Variants in KLHL4 observed in about 807,000 individuals in gnomAD.
KLHL4 encodes the protein kelch like family member 4, also known as kelch-like protein 4.
Under a neutral mutation model 45.8 loss-of-function variants are expected in KLHL4, and 17 were observed. That is an observed-to-expected ratio of 0.37 (90% CI 0.25 to 0.56). The LOEUF (loss-of-function observed/expected upper bound fraction) is 0.56, where lower values mean the gene tolerates loss of function less well. Among genes scored for constraint, KLHL4 ranks in the 20% least tolerant of loss-of-function variants. KLHL4 has a pLI of 0.79. For synonymous variants in KLHL4, 224 were observed against 189.9 expected (o/e 1.18, Z -1.47); for missense variants, 544 against 544.9 (o/e 1.00, Z 0.02).
In KLHL4 at chrX:87,614,039, C is replaced by T; in HGVS notation, c.585C>T (p.Ala195=). The change falls in exon 2 of 11, where the codon GCC becomes GCT. Residue 195 remains alanine, a synonymous_variant. Transcript: ENST00000373119. The part of the protein sequence containing the change: ...LLIAGHLRIP[A]HRLVLSAVSD... The stretch of plus-strand genomic sequence containing the variant: ...TTGCAGGACACCTCCGCATCCCAGC[C>T]CATAGGTAAGTATTTTTATGTATAC... 1.7e-6 allele frequency: 2 copies of T among 1,192,168 alleles called. No individual in the cohort carries two copies. Among genetic ancestry groups the T allele is most frequent in the South Asian group, 1.9e-5 (1 of 52,824 alleles).
intron 8 of KLHL4, among the ~76,000 whole-genome samples, chrX:87,634,194 C>T (rs1284766677): frequency 9.0e-6 from 1 of 111,707 alleles, no homozygotes; most frequent in Non-Finnish European, 1.9e-5. Context: ...CCCGACCCAG[C>T]TTTTATAGGC....
rs778174806 is a variant in KLHL4 at position 87,559,564 on chromosome X, G to A, written c.422+41249G>A. 1.5e-3 allele frequency among the ~76,000 whole-genome samples: 166 copies of A among 111,606 alleles called. 1 individual carries two copies. Among genetic ancestry groups the A allele is most frequent in the African/African-American group, 5.3e-3 (163 of 30,793 alleles). Reference sequence around the variant, plus strand: ...AAGATTTTTGCACTTATACAACACAGTAAATAAAAACCAAGAAAGTGTATT... The same window carrying A: ...AAGATTTTTGCACTTATACAACACAATAAATAAAAACCAAGAAAGTGTATT... On this transcript the variant is annotated intron_variant, in intron 1 of 10. Coordinates refer to ENST00000373119, the MANE Select transcript of KLHL4 (RefSeq NM_019117.5).
intron 9 of KLHL4, among the ~76,000 whole-genome samples, chrX:87,655,155 T>C (rs1923947040): frequency 9.0e-6 from 1 of 111,574 alleles, no homozygotes; most frequent in Non-Finnish European, 1.9e-5. Context: ...TTTACTTAAG[T>C]CCCATTTGTA....
intron 1 of KLHL4, among the ~76,000 whole-genome samples, chrX:87,545,869 C>T (rs2369889): frequency 0.24 from 26,248 of 110,159 alleles, 2,668 homozygotes; most frequent in East Asian, 0.51. Flanking sequence ...TTATTGGGAA[C>T]CGGTGTAAAG....
At chrX:87,592,625 G>A (rs761195025) in intron 1 of KLHL4, among the ~76,000 whole-genome samples, 1 of 111,446 alleles carries the variant, frequency 9.0e-6, no homozygotes, top group African/African-American at 3.2e-5. Flanking sequence ...GACGTTACAT[G>A]TCTCATTGTA....
Position 87,669,347 on chromosome X carries a change from C to CAAAACTTCTAT in KLHL4, c.*2815_*2825dup. Reference sequence around the variant, plus strand: ...TCCACAGAGCATGCAAGAACTTCTACAAAACTTCTATACCACACAGAAGCT... The same window carrying CAAAACTTCTAT: ...TCCACAGAGCATGCAAGAACTTCTACAAAACTTCTATAAAACTTCTATACCACACAGAAGCT... On this transcript the variant is annotated 3_prime_UTR_variant, in exon 11 of 11. Coordinates refer to ENST00000373119, the MANE Select transcript of KLHL4 (RefSeq NM_019117.5). The CAAAACTTCTAT allele has an allele frequency of 2.5e-6, 3 of 1,207,384 alleles. No individual in the cohort carries two copies. The highest frequency in any genetic ancestry group is 3.4e-6 in the Non-Finnish European group (3 of 892,219).
At position 87,595,719 on chromosome X, in the gene KLHL4, T is replaced by C. The variant is rs749742619; in HGVS notation, c.423-18158T>C. On this transcript the variant is annotated intron_variant, in intron 1 of 10. Transcript: ENST00000373119. Reference sequence around the variant, plus strand: ...GCCCTTTGAATAATATAGTGTCAATTCATACTTGTTTCTATGTCTACTATA... The same window carrying C: ...GCCCTTTGAATAATATAGTGTCAATCCATACTTGTTTCTATGTCTACTATA... Among the ~76,000 whole-genome samples, 152 of 111,647 alleles carry C rather than the reference T, an allele frequency of 1.4e-3. 2 individuals are homozygous for C. The Admixed American group carries it at 0.014, about 10-fold the overall frequency.
intron 1 of KLHL4, among the ~76,000 whole-genome samples, chrX:87,587,778 A>G (rs1921530178): frequency 1.8e-5 from 2 of 111,225 alleles, no homozygotes; most frequent in African/African-American, 6.5e-5. Context: ...CTTTTATTAA[A>G]CATAACACTT....
At chrX:87,532,222 T>A (rs1246350683) in intron 1 of KLHL4, among the ~76,000 whole-genome samples, 1 of 109,567 alleles carries the variant, frequency 9.1e-6, no homozygotes, top group Non-Finnish European at 1.9e-5. Flanking sequence ...TTTCTCAGGT[T>A]TGTCAAAGAT....
chrX:87,582,684 TG>T (rs1005849111), intron 1 of KLHL4, among the ~76,000 whole-genome samples: 22 of 111,630 alleles, frequency 2.0e-4, no homozygotes, highest in African/African-American at 6.9e-4. Flanking sequence ...CTTGGGCTGG[TG>T]GGGGGATCAT....
At chrX:87,534,001 C>G (rs1931373247) in intron 1 of KLHL4, among the ~76,000 whole-genome samples, 1 of 111,041 alleles carries the variant, frequency 9.0e-6, no homozygotes, top group African/African-American at 3.3e-5. Context: ...GACCACAAAA[C>G]CGGAAATAGG....
At chrX:87,640,519 C>T (rs770861769) in intron 9 of KLHL4, among the ~76,000 whole-genome samples, 36 of 111,860 alleles carry the variant, frequency 3.2e-4, no homozygotes, top group African/African-American at 9.4e-4. Flanking sequence ...ATACCAGGGA[C>T]GCAGGGATTG....
chrX:87,589,767 C>G (rs1369285716), intron 1 of KLHL4, among the ~76,000 whole-genome samples: 5 of 110,366 alleles, frequency 4.5e-5, no homozygotes, highest in Admixed American at 2.9e-4. Context: ...TGGTGGCTCA[C>G]GCCTGTAATC....
intron 9 of KLHL4, among the ~76,000 whole-genome samples, chrX:87,644,653 C>T (rs1304003447): frequency 1.8e-5 from 2 of 111,774 alleles, no homozygotes; most frequent in African/African-American, 6.5e-5. Context: ...GATTTCAAAC[C>T]AGTCTATAAA....
In KLHL4 at chrX:87,618,113, A is replaced by G. The variant is rs746647539; in HGVS notation, c.909A>G (p.Ala303=). Reference sequence around the variant, plus strand: ...GCTGTACAGAACTTCTGAACGTGGCACACAAATACACTATGGTAAAATCAA... The same window carrying G: ...GCTGTACAGAACTTCTGAACGTGGCGCACAAATACACTATGGTAAAATCAA... ...AQGCTELLNV[A]HKYTMEHFIE... Residue 303 remains alanine, a synonymous_variant, in exon 4 of 11, where the codon GCA becomes GCG. Coordinates refer to ENST00000373119, the MANE Select transcript of KLHL4 (RefSeq NM_019117.5). The G allele has an allele frequency of 3.4e-6, 4 of 1,187,048 alleles. No individual in the cohort carries two copies. Among genetic ancestry groups the G allele is most frequent in the Non-Finnish European group, 3.4e-6 (3 of 880,975 alleles).
chrX:87,529,992 G>A (rs1165909184), intron 1 of KLHL4, among the ~76,000 whole-genome samples: 1 of 111,652 alleles, frequency 9.0e-6, no homozygotes, highest in Non-Finnish European at 1.9e-5. Flanking sequence ...AGCCAGCATA[G>A]TGTGATAAAA....
chrX:87,556,627 A>G (rs1441655610), intron 1 of KLHL4, among the ~76,000 whole-genome samples: 1 of 110,413 alleles, frequency 9.1e-6, no homozygotes, highest in African/African-American at 3.3e-5. Flanking sequence ...ATACATATGT[A>G]ACTAACCTGC....
chrX:87,627,771 T>C (rs761886649), intron 6 of KLHL4, among the ~76,000 whole-genome samples: 1 of 112,083 alleles, frequency 8.9e-6, no homozygotes, highest in Non-Finnish European at 1.9e-5. Flanking sequence ...ATCTTTCGTT[T>C]CTGACTCTGA....
chrX:87,662,825 G>A (rs1273241690), intron 9 of KLHL4, among the ~76,000 whole-genome samples: 2 of 108,493 alleles, frequency 1.8e-5, no homozygotes, highest in African/African-American at 6.7e-5. Flanking sequence ...AGCTACTTGG[G>A]AGGCTGAGGC....
Sources: gnomAD v4.1 joint callset for allele counts (sites outside exome capture counted in the v4.1 genomes callset) on GRCh38, gnomAD v4.1.1 for gene constraint, MANE v1.5 for transcripts, NCBI Gene and HGNC (gene_info 2026-07-23, HGNC 2026-07-21) for gene names.